Variants in MEGF10 observed in about 807,000 individuals in gnomAD.
The protein encoded by MEGF10 is multiple epidermal growth factor-like domains protein 10.
MEGF10 carries 86 observed loss-of-function variants against 147.5 expected under a neutral mutation model. That is an observed-to-expected ratio of 0.58 (90% confidence interval 0.49 to 0.70). The LOEUF (loss-of-function observed/expected upper bound fraction) is 0.70, where lower values mean the gene tolerates loss of function less well. Among genes scored for constraint, MEGF10 ranks in the 30% least tolerant of loss-of-function variants. MEGF10 has a pLI of 0.00. For missense variants in MEGF10, 1,329 were observed against 1,487.3 expected, an observed-to-expected ratio of 0.89 and a Z score of 1.75; for synonymous variants, 478 against 525.5, an observed-to-expected ratio of 0.91 and a Z score of 1.24.
chr5:127,376,365 C>T (rs955949443), intron 5 of MEGF10, among the ~76,000 whole-genome samples: 4 of 151,960 alleles, frequency 2.6e-5, no homozygotes, highest in East Asian at 1.9e-4. Context: ...GAGTGGATTG[C>T]GGAATAGAGG....
the MEGF10 span, among the ~76,000 whole-genome samples, chr5:127,267,843 A>G: frequency 2.0e-5 from 3 of 152,100 alleles, no homozygotes; most frequent in Admixed American, 2.0e-4. Flanking sequence ...CAAGCAGTCT[A>G]TCAATTTTGT....
intron 1 of MEGF10, among the ~76,000 whole-genome samples, chr5:127,321,423 G>GTGTGTA (rs1760781031): frequency 1.3e-5 from 2 of 152,266 alleles, no homozygotes; most frequent in South Asian, 4.1e-4. Flanking sequence ...GTGTATGTGT[G>GTGTGTA]TGTGTATGTG....
chr5:127,258,746 C>T, the MEGF10 span, among the ~76,000 whole-genome samples: 1 of 152,112 alleles, frequency 6.6e-6, no homozygotes, highest in Non-Finnish European at 1.5e-5. Context: ...CTCTCCTGTC[C>T]TCTTTTTGTC....
the MEGF10 span, among the ~76,000 whole-genome samples, chr5:127,254,759 C>T: frequency 2.0e-5 from 3 of 150,626 alleles, no homozygotes; most frequent in Non-Finnish European, 4.4e-5. Flanking sequence ...TGCAGTGAGC[C>T]AAGATCACGC....
At chr5:127,301,994 T>G (rs1759793953) in intron 1 of MEGF10, among the ~76,000 whole-genome samples, 1 of 152,182 alleles carries the variant, frequency 6.6e-6, no homozygotes, top group African/African-American at 2.4e-5. Flanking sequence ...AACAGTTAAA[T>G]TTACTTATAA....
At chr5:127,328,884 T>A (rs17165055) in intron 1 of MEGF10, among the ~76,000 whole-genome samples, 5,135 of 152,306 alleles carry the variant, frequency 0.034, 289 homozygotes, top group African/African-American at 0.12. Flanking sequence ...CATGCTCATT[T>A]GTTACAGCCA....
intron 8 of MEGF10, among the ~76,000 whole-genome samples, chr5:127,403,549 T>A (rs1449466820): frequency 6.6e-6 from 1 of 152,182 alleles, no homozygotes; most frequent in Non-Finnish European, 1.5e-5. Flanking sequence ...CTTTCTAATT[T>A]TTTTTGTACC....
intron 20 of MEGF10, among the ~76,000 whole-genome samples, 199 bp from the exon 21 acceptor site, chr5:127,447,358 T>C (rs1472008063): frequency 6.6e-6 from 1 of 152,082 alleles, no homozygotes; most frequent in African/African-American, 2.4e-5. Flanking sequence ...TTTGTACTTT[T>C]AGTAGAGATG....
chr5:127,309,994 TTTCC>T (rs1554089026), intron 1 of MEGF10, among the ~76,000 whole-genome samples: 1 of 56,814 alleles, frequency 1.8e-5, no homozygotes, highest in African/African-American at 6.9e-5. Flanking sequence ...TCTTTCTTTC[TTTCC>T]TTCCTTCCTT....
At chr5:127,382,753 A>G (rs1393661302) in intron 5 of MEGF10, among the ~76,000 whole-genome samples, 1 of 152,228 alleles carries the variant, frequency 6.6e-6, no homozygotes, top group Non-Finnish European at 1.5e-5. Flanking sequence ...CAAATTAATA[A>G]GTAAAAGAAC....
chr5:127,267,548 G>T, the MEGF10 span, among the ~76,000 whole-genome samples: 2 of 152,138 alleles, frequency 1.3e-5, no homozygotes, highest in Non-Finnish European at 2.9e-5. Flanking sequence ...AATCAGTCTG[G>T]TCCTGGACTT....
Position 127,410,512 on chromosome 5 carries a change from C to A in MEGF10, c.1041C>A (p.Gly347=), listed in dbSNP as rs138524411. ...GCCTCTGTGAAGCAGGCTTTGCTGG[C>A]GAGCGCTGCGAAGCACGCCTGTGTC... ...GACLCEAGFA[G]ERCEARLCPE... The change falls in exon 9 of 25, where the codon GGC becomes GGA. Residue 347 remains glycine (G), a synonymous_variant. Transcript: ENST00000503335. 4.3e-5 allele frequency: 69 copies of A among 1,613,956 alleles called. No homozygotes were observed. The African/African-American group carries it at 8.5e-4, about 20-fold the overall frequency.
At chr5:127,373,065 G>C (rs997124523) in intron 5 of MEGF10, among the ~76,000 whole-genome samples, 7 of 152,132 alleles carry the variant, frequency 4.6e-5, no homozygotes, top group African/African-American at 1.7e-4. Context: ...AAGAACTCAT[G>C]TATATTTATT....
intron 20 of MEGF10, among the ~76,000 whole-genome samples, chr5:127,447,110 G>A (rs2127027866): frequency 6.6e-6 from 1 of 152,276 alleles, no homozygotes; most frequent in Non-Finnish European, 1.5e-5. Flanking sequence ...TGAGTAGGCT[G>A]GGCAGGAGGA....
intron 4 of MEGF10, among the ~76,000 whole-genome samples, chr5:127,356,306 T>C (rs2126830677): frequency 6.6e-6 from 1 of 152,332 alleles, no homozygotes; most frequent in South Asian, 2.1e-4. Context: ...ATTGATGCGC[T>C]GGTAGAATCA....
intron 5 of MEGF10, 52 bp downstream of exon 5, chr5:127,370,054 C>G (rs563079131): frequency 8.6e-6 from 12 of 1,401,974 alleles, no homozygotes; most frequent in African/African-American, 1.4e-5. Flanking sequence ...CTGTAAGGCC[C>G]TCCTTGTCTG....
At chr5:127,310,003 T>G (rs1290160441) in intron 1 of MEGF10, among the ~76,000 whole-genome samples, 15 of 67,394 alleles carry the variant, frequency 2.2e-4, no homozygotes, top group African/African-American at 6.7e-4. Context: ...CTTTCCTTCC[T>G]TCCTTCCTTT....
At chr5:127,426,375 A>G (rs575990489) in intron 13 of MEGF10, among the ~76,000 whole-genome samples, 1 of 152,344 alleles carries the variant, frequency 6.6e-6, no homozygotes, top group East Asian at 1.9e-4. Context: ...GACATTTTAG[A>G]TCCTATTTCC....
chr5:127,267,940 C>G, the MEGF10 span, among the ~76,000 whole-genome samples: 86,076 of 151,806 alleles, frequency 0.57, 25,108 homozygotes, highest in Middle Eastern at 0.71. Context: ...TCTGATCTTA[C>G]TTATTTCTTG....
Sources: allele counts gnomAD v4.1 joint callset (sites outside exome capture counted in the v4.1 genomes callset), GRCh38; gene constraint gnomAD v4.1.1; transcripts MANE v1.5; gene names NCBI Gene and HGNC (gene_info 2026-07-23, HGNC 2026-07-21).